AUTS2: variants seen among roughly 807,000 people sequenced by gnomAD.
AUTS2 encodes activator of transcription and developmental regulator AUTS2.
A neutral mutation model predicts 112.4 loss-of-function variants in AUTS2; 17 were observed. That is an observed-to-expected ratio of 0.15 (90% confidence interval 0.10 to 0.23). AUTS2 has a LOEUF of 0.23. AUTS2 is among the 10% of genes least tolerant of loss of function. AUTS2 has a pLI of 1.00. For synonymous variants in AUTS2, 751 were observed against 702.7 expected (o/e 1.07, Z -1.09); for missense variants, 1,510 against 1,701.6 (o/e 0.89, Z 1.98).
chr7:69,731,676 T>G (rs1023783487), intron 1 of AUTS2, among the ~76,000 whole-genome samples: 4 of 152,240 alleles, frequency 2.6e-5, no homozygotes, highest in African/African-American at 9.6e-5. Context: ...TTCAAGAGGT[T>G]GTTCCCTTTT....
intron 5 of AUTS2, among the ~76,000 whole-genome samples, chr7:70,598,548 C>T (rs1291903256): frequency 2.0e-5 from 3 of 152,036 alleles, no homozygotes; most frequent in South Asian, 4.2e-4. Context: ...ATGCATTTGC[C>T]GTCCATCACA....
chr7:70,016,763 G>T (rs533786055), intron 2 of AUTS2, among the ~76,000 whole-genome samples: 1 of 151,452 alleles, frequency 6.6e-6, no homozygotes, highest in Admixed American at 6.6e-5. Context: ...CACCTCCCCA[G>T]CTCAAGCAGT....
intron 1 of AUTS2, among the ~76,000 whole-genome samples, chr7:69,754,156 G>A (rs769900530): frequency 1.7e-4 from 26 of 152,150 alleles, no homozygotes; most frequent in Non-Finnish European, 2.9e-4. Flanking sequence ...AAAGAAGGTC[G>A]GGTTACCAAG....
At chr7:69,994,875 A>G (rs1283076265) in intron 2 of AUTS2, among the ~76,000 whole-genome samples, 1 of 152,152 alleles carries the variant, frequency 6.6e-6, no homozygotes, top group Non-Finnish European at 1.5e-5. Context: ...GAAATTTATT[A>G]GAAAAGATCC....
intron 4 of AUTS2, among the ~76,000 whole-genome samples, chr7:70,355,054 GTGTA>G: frequency 6.6e-6 from 1 of 150,440 alleles, no homozygotes; most frequent in East Asian, 2.0e-4. Flanking sequence ...ATGTGTGTGT[GTGTA>G]TGTATGGGTG....
intron 1 of AUTS2, among the ~76,000 whole-genome samples, chr7:69,722,348 C>A (rs1463388292): frequency 3.3e-5 from 5 of 150,260 alleles, no homozygotes; most frequent in African/African-American, 7.4e-5. Context: ...TTGGAAAATG[C>A]CTTGGCAAAT....
chr7:70,293,586 T>A (rs1788803175), intron 4 of AUTS2: 1 of 152,180 alleles, frequency 6.6e-6, no homozygotes, highest in Non-Finnish European at 1.5e-5. Flanking sequence ...AAAAGGGATA[T>A]GGACAAATTT....
At chr7:70,117,544 T>TG (rs1188223275) in intron 2 of AUTS2, among the ~76,000 whole-genome samples, 1 of 152,230 alleles carries the variant, frequency 6.6e-6, no homozygotes, top group Non-Finnish European at 1.5e-5. Context: ...AAAAATTTGA[T>TG]GGAAAGACTG....
chr7:69,818,685 T>C (rs1292263816), intron 1 of AUTS2, among the ~76,000 whole-genome samples: 1 of 152,244 alleles, frequency 6.6e-6, no homozygotes, highest in East Asian at 1.9e-4. Context: ...CTCAGCAGTC[T>C]CATAAAGCTC....
intron 4 of AUTS2, among the ~76,000 whole-genome samples, chr7:70,211,946 A>C (rs1810927950): frequency 6.6e-6 from 1 of 152,226 alleles, no homozygotes; most frequent in African/African-American, 2.4e-5. Flanking sequence ...AGATCTCACC[A>C]CTGCACTCCA....
At chr7:69,831,723 G>A (rs999747620) in intron 1 of AUTS2, among the ~76,000 whole-genome samples, 4 of 151,930 alleles carry the variant, frequency 2.6e-5, no homozygotes, top group African/African-American at 9.7e-5. Flanking sequence ...ACACTAAGTG[G>A]CAAGGAGAAA....
At chr7:69,737,594 C>T (rs1404824097) in intron 1 of AUTS2, among the ~76,000 whole-genome samples, 1 of 152,132 alleles carries the variant, frequency 6.6e-6, no homozygotes, top group Non-Finnish European at 1.5e-5. Flanking sequence ...GTAACACACT[C>T]CCTAAGTCCC....
intron 5 of AUTS2, among the ~76,000 whole-genome samples, chr7:70,455,356 T>C (rs1796693737): frequency 6.6e-6 from 1 of 152,076 alleles, no homozygotes; most frequent in Non-Finnish European, 1.5e-5. Flanking sequence ...CAGGTGGCAA[T>C]GGCAAGGACT....
At chr7:69,971,421 T>C (rs186364887) in intron 2 of AUTS2, among the ~76,000 whole-genome samples, 1 of 152,310 alleles carries the variant, frequency 6.6e-6, no homozygotes. Context: ...TAGTACAATA[T>C]GCAGTTTTAA....
intron 5 of AUTS2, among the ~76,000 whole-genome samples, chr7:70,541,793 G>T (rs1336290420): frequency 6.6e-6 from 1 of 152,188 alleles, no homozygotes; most frequent in Non-Finnish European, 1.5e-5. Flanking sequence ...CACAGACTCA[G>T]GCTTTCTAGG....
intron 2 of AUTS2, among the ~76,000 whole-genome samples, chr7:70,016,861 T>A (rs1800053548): frequency 1.3e-5 from 2 of 151,988 alleles, no homozygotes; most frequent in African/African-American, 4.8e-5. Context: ...AGAGACAGGG[T>A]TTCACCATGT....
At chr7:70,325,755 G>A (rs1790458521) in intron 4 of AUTS2, among the ~76,000 whole-genome samples, 1 of 152,160 alleles carries the variant, frequency 6.6e-6, no homozygotes, top group South Asian at 2.1e-4. Context: ...ATTGCATGTG[G>A]ACAAGTTCAG....
intron 1 of AUTS2, among the ~76,000 whole-genome samples, chr7:69,808,847 C>T (rs565201316): frequency 1.3e-5 from 2 of 152,318 alleles, no homozygotes; most frequent in Admixed American, 1.3e-4. Flanking sequence ...TTGGCTCCTA[C>T]AGCTGCATAC....
At chr7:69,709,901 AC>A (rs11300986) in intron 1 of AUTS2, among the ~76,000 whole-genome samples, 108,147 of 151,864 alleles carry the variant, frequency 0.71, 38,563 homozygotes, top group East Asian at 0.78. Context: ...GAAACATGTC[AC>A]CCCCCCTTTT....
Sources: allele counts gnomAD v4.1 joint callset (sites outside exome capture counted in the v4.1 genomes callset), GRCh38; gene constraint gnomAD v4.1.1; transcripts MANE v1.5; gene names NCBI Gene and HGNC (gene_info 2026-07-23, HGNC 2026-07-21).